Variants in FAM135B observed in about 807,000 individuals in gnomAD.
FAM135B encodes protein FAM135B.
A neutral mutation model predicts 127.7 loss-of-function variants in FAM135B; 43 were observed. That is an observed-to-expected ratio of 0.34 (90% CI 0.26 to 0.43). FAM135B has a LOEUF of 0.43. FAM135B is among the 20% of genes least tolerant of loss of function. The pLI is 1.00. For synonymous variants in FAM135B, 670 were observed against 665.1 expected, an observed-to-expected ratio of 1.01 and a Z score of -0.11; for missense variants, 1,558 against 1,725.6, an observed-to-expected ratio of 0.90 and a Z score of 1.72.
At chr8:138,336,725 G>T (rs1056551895) in intron 2 of FAM135B, among the ~76,000 whole-genome samples, 17 of 152,146 alleles carry the variant, frequency 1.1e-4, no homozygotes, top group African/African-American at 4.1e-4. Flanking sequence ...ACAATTAATA[G>T]AAAAAGAGGG....
chr8:138,446,329 A>G (rs1487794174), intron 1 of FAM135B, among the ~76,000 whole-genome samples: 2 of 152,162 alleles, frequency 1.3e-5, no homozygotes, highest in Non-Finnish European at 2.9e-5. Context: ...GGAACCAAAA[A>G]AGAGCCCGCA....
At chr8:138,270,606 A>G (rs1232991039) in intron 3 of FAM135B, among the ~76,000 whole-genome samples, 1 of 152,268 alleles carries the variant, frequency 6.6e-6, no homozygotes, top group Non-Finnish European at 1.5e-5. Context: ...GAGGCTGGGA[A>G]GTCCAATATC....
chr8:138,194,714 C>T (rs1474385188), intron 9 of FAM135B, among the ~76,000 whole-genome samples: 1 of 152,308 alleles, frequency 6.6e-6, no homozygotes, highest in East Asian at 1.9e-4. Flanking sequence ...TAAGAGTACC[C>T]ACCCAGATAT....
intron 5 of FAM135B, 151 bp downstream of exon 5, chr8:138,256,538 C>T (rs894894615): frequency 2.3e-5 from 15 of 640,704 alleles, no homozygotes; most frequent in African/African-American, 7.3e-5. Context: ...TTTCTTAGCC[C>T]GCACCCCTGA....
At chr8:138,452,124 C>A (rs1445404015) in intron 1 of FAM135B, among the ~76,000 whole-genome samples, 2 of 104,184 alleles carry the variant, frequency 1.9e-5, no homozygotes, top group Admixed American at 1.1e-4. Context: ...ACCCAATCTG[C>A]TTTTTTTTTT....
intron 12 of FAM135B, 61 bp downstream of exon 12, chr8:138,167,834 A>T (rs2130897900): frequency 6.6e-7 from 1 of 1,517,344 alleles, no homozygotes; most frequent in East Asian, 2.4e-5. Flanking sequence ...AAACTGTGCC[A>T]TTGTCAGAAT....
At chr8:138,480,989 C>A (rs111910187) in intron 1 of FAM135B, among the ~76,000 whole-genome samples, 79 of 152,310 alleles carry the variant, frequency 5.2e-4, no homozygotes, top group African/African-American at 1.8e-3. Flanking sequence ...GTTGAATGAA[C>A]ATGTGTTTGA....
chr8:138,451,310 T>C (rs1343634466), intron 1 of FAM135B, among the ~76,000 whole-genome samples: 1 of 152,248 alleles, frequency 6.6e-6, no homozygotes, highest in Non-Finnish European at 1.5e-5. Flanking sequence ...GAACCTTGAC[T>C]GACACACTTC....
At chr8:138,168,852 C>A (rs935492617) in intron 11 of FAM135B, among the ~76,000 whole-genome samples, 1 of 152,114 alleles carries the variant, frequency 6.6e-6, no homozygotes, top group Non-Finnish European at 1.5e-5. Context: ...GAAGAAGGAG[C>A]CTTACGGAGT....
intron 1 of FAM135B, among the ~76,000 whole-genome samples, chr8:138,448,621 T>C (rs566418821): frequency 8.2e-4 from 125 of 152,268 alleles, no homozygotes; most frequent in Non-Finnish European, 1.1e-3. Flanking sequence ...CCTGGGCTTC[T>C]GGCTCACCAA....
intron 7 of FAM135B, among the ~76,000 whole-genome samples, chr8:138,232,832 T>C (rs542796685): frequency 6.6e-6 from 1 of 152,340 alleles, no homozygotes; most frequent in African/African-American, 2.4e-5. Context: ...TTAACAAAAT[T>C]GTAAGTGTTC....
At chr8:138,377,223 T>C (rs533401061) in intron 1 of FAM135B, among the ~76,000 whole-genome samples, 2 of 152,182 alleles carry the variant, frequency 1.3e-5, no homozygotes, top group Non-Finnish European at 2.9e-5. Context: ...ATTTACTTTA[T>C]GAAAAGGGAA....
intron 1 of FAM135B, among the ~76,000 whole-genome samples, chr8:138,467,942 C>T (rs922879390): frequency 2.0e-5 from 3 of 152,048 alleles, no homozygotes; most frequent in Admixed American, 6.6e-5. Context: ...AGAAGCCTGG[C>T]GAAGTATTTA....
chr8:138,142,439 G>A (rs1817274432), intron 16 of FAM135B, among the ~76,000 whole-genome samples: 1 of 151,666 alleles, frequency 6.6e-6, no homozygotes, highest in Non-Finnish European at 1.5e-5. Context: ...GAGTAGCTGG[G>A]ACTGCAGGTG....
At chr8:138,262,681 G>A (rs868693279) in intron 4 of FAM135B, among the ~76,000 whole-genome samples, 3 of 151,692 alleles carry the variant, frequency 2.0e-5, no homozygotes, top group African/African-American at 2.4e-5. Flanking sequence ...CGGGTGGATC[G>A]CGAGGTCAGG....
intron 1 of FAM135B, among the ~76,000 whole-genome samples, chr8:138,416,015 CT>C (rs1349673296): frequency 6.6e-6 from 1 of 152,160 alleles, no homozygotes; most frequent in Non-Finnish European, 1.5e-5. Context: ...CCTCCTCTCC[CT>C]TCCCTTGGAG....
intron 3 of FAM135B, among the ~76,000 whole-genome samples, chr8:138,284,091 C>T (rs1385838332): frequency 2.6e-5 from 4 of 152,086 alleles, no homozygotes; most frequent in African/African-American, 9.7e-5. Context: ...AAAATAAAAT[C>T]TGTTAAAAAA....
intron 3 of FAM135B, among the ~76,000 whole-genome samples, chr8:138,271,015 C>T (rs2130674179): frequency 6.6e-6 from 1 of 152,302 alleles, no homozygotes; most frequent in Non-Finnish European, 1.5e-5. Context: ...GATGCCCCAG[C>T]AGCAAGGGAC....
intron 1 of FAM135B, among the ~76,000 whole-genome samples, chr8:138,378,085 A>G (rs1831602026): frequency 6.6e-6 from 1 of 152,230 alleles, no homozygotes; most frequent in African/African-American, 2.4e-5. Flanking sequence ...GACAAGTCAC[A>G]TAACATCTCT....
Sources: allele counts gnomAD v4.1 joint callset (sites outside exome capture counted in the v4.1 genomes callset), GRCh38; gene constraint gnomAD v4.1.1; transcripts MANE v1.5; gene names NCBI Gene and HGNC (gene_info 2026-07-23, HGNC 2026-07-21).